Variants in RIPOR3 observed in about 807,000 individuals in gnomAD.
RIPOR3 encodes RIPOR family member 3, also known as family with sequence similarity 65 member C.
A neutral mutation model predicts 114.3 loss-of-function variants in RIPOR3; 95 were observed. The observed-to-expected ratio is 0.83, with a 90% CI of 0.70 to 0.99. The LOEUF (loss-of-function observed/expected upper bound fraction) is 0.99, where lower values mean the gene tolerates loss of function less well. Among genes scored for constraint, RIPOR3 ranks in the 50% least tolerant of loss-of-function variants. The pLI, the probability that RIPOR3 is intolerant of heterozygous loss-of-function variation, is 0.00. For synonymous variants in RIPOR3, 575 were observed against 543.8 expected, an observed-to-expected ratio of 1.06 and a Z score of -0.80; for missense variants, 1,252 against 1,266.9, an observed-to-expected ratio of 0.99 and a Z score of 0.18.
intron 2 of RIPOR3, among the ~76,000 whole-genome samples, chr20:50,628,379 T>C (rs543648858): frequency 7.9e-5 from 12 of 152,056 alleles, no homozygotes; most frequent in African/African-American, 2.7e-4. Context: ...CGCAGGGTCC[T>C]CCTCCCTCCC....
intron 1 of RIPOR3, among the ~76,000 whole-genome samples, chr20:50,658,717 T>A (rs961261768): frequency 9.2e-5 from 14 of 151,872 alleles, no homozygotes; most frequent in Non-Finnish European, 1.8e-4. Context: ...AAAAAAAAAA[T>A]TATAATCAAT....
chr20:50,644,615 C>T (rs1206042641), intron 1 of RIPOR3, among the ~76,000 whole-genome samples: 2 of 149,606 alleles, frequency 1.3e-5, no homozygotes, highest in South Asian at 2.1e-4. Flanking sequence ...TCCTGAGTAG[C>T]TGGGACTACA....
At chr20:50,592,168 G>A (rs2083126872) in intron 19 of RIPOR3, among the ~76,000 whole-genome samples, 176 bp downstream of exon 19, 1 of 152,204 alleles carries the variant, frequency 6.6e-6, no homozygotes, top group African/African-American at 2.4e-5. Context: ...TGTTGCTTTG[G>A]AAGCAGCAAG....
chr20:50,611,190 G>T lies in RIPOR3; in HGVS notation c.363C>A (p.Asp121Glu). 6.2e-7 allele frequency: 1 copy of T among 1,614,172 alleles called. No individual in the cohort carries two copies. The highest frequency in any genetic ancestry group is 2.2e-5 in the East Asian group (1 of 44,878). Residue 121 changes from aspartate (D) to glutamate (E), a missense_variant, in exon 5 of 22, where the codon GAC (aspartate) becomes GAA (glutamate). Physicochemically the swap from Asp to Glu is conservative, Grantham distance 45. Coordinates refer to ENST00000327979, the MANE Select transcript of RIPOR3 (RefSeq NM_001290268.2). ...RRNSRLAFYY[D>E]LDKQTRCVER... ...CCGTATGCAGACTCACCTTGTCCAGGTCATAATAGAAAGCCTGTGAGGGAG... is the reference window on the plus strand; with the variant it reads ...CCGTATGCAGACTCACCTTGTCCAGTTCATAATAGAAAGCCTGTGAGGGAG...
intron 1 of RIPOR3, among the ~76,000 whole-genome samples, chr20:50,647,725 A>G (rs1600677535): frequency 6.7e-6 from 1 of 150,104 alleles, no homozygotes; most frequent in Non-Finnish European, 1.5e-5. Context: ...CTCGTGATCC[A>G]CCCGCCTCGG....
Position 50,658,045 on chromosome 20 carries a change from G to A in RIPOR3, c.4-27189C>T, listed in dbSNP as rs1442627057. Among the ~76,000 whole-genome samples the A allele has an allele frequency of 2.0e-5, 3 of 152,074 alleles. No individual in the cohort carries two copies. The South Asian group carries it at 6.2e-4, about 31-fold the overall frequency. On this transcript the variant is annotated intron_variant, in intron 1 of 21. Transcript: ENST00000327979. ...CTCCCAAAGTACTGGGATTACAGGT[G>A]TGAGACACCATACCCAGCCTCCATA...
chr20:50,594,494 C>A, intron 17 of RIPOR3, 59 bp downstream of exon 17: 1 of 1,573,014 alleles, frequency 6.4e-7, no homozygotes, highest in Non-Finnish European at 8.7e-7. Flanking sequence ...CCCTGAAGGC[C>A]CTGGAGACTC....
At chr20:50,644,643 C>T (rs1350883620) in intron 1 of RIPOR3, among the ~76,000 whole-genome samples, 1 of 149,750 alleles carries the variant, frequency 6.7e-6, no homozygotes, top group African/African-American at 2.5e-5. Context: ...GCCACCATGA[C>T]CGGCTAATTT....
intron 1 of RIPOR3, among the ~76,000 whole-genome samples, chr20:50,674,978 C>T (rs1014819894): frequency 1.3e-5 from 2 of 151,710 alleles, no homozygotes; most frequent in African/African-American, 4.8e-5. Flanking sequence ...ATTAGCCAGC[C>T]ATGGTGGGAG....
intron 2 of RIPOR3, among the ~76,000 whole-genome samples, chr20:50,624,322 G>A (rs987291443): frequency 1.3e-5 from 2 of 152,196 alleles, no homozygotes; most frequent in Non-Finnish European, 2.9e-5. Flanking sequence ...TTTCTGAGAG[G>A]TTAGGGACCC....
chr20:50,630,624 C>T, intron 2 of RIPOR3, 114 bp downstream of exon 2: 3 of 837,368 alleles, frequency 3.6e-6, no homozygotes, highest in Non-Finnish European at 5.6e-6. Context: ...TGCAAGCCGG[C>T]CTGAGAGTGG....
chr20:50,647,026 G>A (rs2085422439), intron 1 of RIPOR3, among the ~76,000 whole-genome samples: 1 of 152,150 alleles, frequency 6.6e-6, no homozygotes. Flanking sequence ...GAGCTCATGT[G>A]AAAAAGAAAA....
chr20:50,664,529 G>A (rs888628927), intron 1 of RIPOR3, among the ~76,000 whole-genome samples: 2 of 152,170 alleles, frequency 1.3e-5, no homozygotes, highest in South Asian at 4.1e-4. Context: ...CTCACATCAG[G>A]CAGGATCCCA....
rs188027840 is a variant in RIPOR3 at position 50,623,896 on chromosome 20, G to A, written c.123-3764C>T. Among the ~76,000 whole-genome samples, 192 of 152,324 alleles carry A rather than the reference G, an allele frequency of 1.3e-3. 2 individuals carry two copies. Among genetic ancestry groups the A allele is most frequent in the African/African-American group, 4.5e-3 (188 of 41,574 alleles). Reference sequence around the variant, plus strand: ...TCTGTCGACAGGCTGGAGTGCAGTGGCACGATCTCTGCTCACTGCAACCTC... The same window carrying A: ...TCTGTCGACAGGCTGGAGTGCAGTGACACGATCTCTGCTCACTGCAACCTC... On this transcript the variant is annotated intron_variant, in intron 2 of 21. Coordinates refer to ENST00000327979, the MANE Select transcript of RIPOR3 (RefSeq NM_001290268.2).
In RIPOR3 at chr20:50,630,832, G is replaced by T. The variant is rs756540695; in HGVS notation, c.28C>A (p.Arg10=). Residue 10 remains arginine (R), a synonymous_variant, in exon 2 of 22, where the codon CGG becomes AGG. Transcript: ENST00000327979. ...CCTGTGTCCCCAGGGGACAGGAACC[G>T]CAACCTCACCGACATGGTGGTCACC... MVTTMSVRL[R]FLSPGDTGAV... 14 of 1,607,064 alleles carry T rather than the reference G, an allele frequency of 8.7e-6. No individual in the cohort carries two copies. In the South Asian group the frequency reaches 1.0e-4, roughly 12 times the overall value.
intron 2 of RIPOR3, 75 bp downstream of exon 2, chr20:50,630,663 G>T: frequency 1.5e-6 from 2 of 1,311,852 alleles, no homozygotes; most frequent in South Asian, 1.4e-5. Flanking sequence ...GCAGGAGGAG[G>T]ATGACCCTGC....
intron 17 of RIPOR3, among the ~76,000 whole-genome samples, chr20:50,593,756 G>A (rs1321319793): frequency 1.3e-5 from 2 of 152,090 alleles, no homozygotes; most frequent in Non-Finnish European, 2.9e-5. Flanking sequence ...AATCCCGGAG[G>A]CAGGGCCTGG....
intron 8 of RIPOR3, 118 bp from the exon 9 acceptor site, chr20:50,609,073 G>A (rs74829721): frequency 3.9e-5 from 55 of 1,414,500 alleles, no homozygotes; most frequent in Non-Finnish European, 5.2e-5. Context: ...GGTGAGGATG[G>A]GGGGGAGGTA....
rs183437431 is a variant in RIPOR3, at chr20:50,594,116, A to C, written c.2212+437T>G. On this transcript the variant is annotated intron_variant, in intron 17 of 21. Transcript: ENST00000327979. Reference sequence around the variant, plus strand: ...AAACCCCGTCTCTACTAAAAATACAAAAAAAGAAAATTAGCCAAGCGTGGT... The same window carrying C: ...AAACCCCGTCTCTACTAAAAATACACAAAAAGAAAATTAGCCAAGCGTGGT... 2.5e-3 allele frequency among the ~76,000 whole-genome samples: 387 copies of C among 152,080 alleles called. 2 individuals carry two copies. The highest frequency in any genetic ancestry group is 4.2e-3 in the Non-Finnish European group (288 of 67,964).
Sources: gnomAD v4.1 joint callset for allele counts (sites outside exome capture counted in the v4.1 genomes callset) on GRCh38, gnomAD v4.1.1 for gene constraint, MANE v1.5 for transcripts, NCBI Gene and HGNC (gene_info 2026-07-23, HGNC 2026-07-21) for gene names.